MAD1L1: variants seen among roughly 807,000 people sequenced by gnomAD.
The protein encoded by MAD1L1 is mitotic spindle assembly checkpoint protein MAD1.
A neutral mutation model predicts 96.9 loss-of-function variants in MAD1L1; 95 were observed. The observed-to-expected ratio is 0.98, with a 90% CI of 0.83 to 1.16. The LOEUF is 1.16. Ranked by LOEUF, MAD1L1 falls within the 50% of genes most tolerant of loss-of-function variation. MAD1L1 has a pLI of 0.00. For synonymous variants in MAD1L1, 473 were observed against 396.6 expected (o/e 1.19, Z -2.29); for missense variants, 1,007 against 954.4 (o/e 1.06, Z -0.73).
At chr7:1,944,034 GA>G (rs951532351) in intron 16 of MAD1L1, among the ~76,000 whole-genome samples, 62 of 152,272 alleles carry the variant, frequency 4.1e-4, no homozygotes, top group African/African-American at 1.5e-3. Context: ...AGGGAAGTGA[GA>G]AAAGCCAATC....
At chr7:2,097,395 G>A (rs918292917) in intron 11 of MAD1L1, among the ~76,000 whole-genome samples, 1 of 152,154 alleles carries the variant, frequency 6.6e-6, no homozygotes, top group South Asian at 2.1e-4. Flanking sequence ...GCGAGGACGT[G>A]GGGGCCAGAG....
intron 18 of MAD1L1, among the ~76,000 whole-genome samples, chr7:1,882,008 ACAC>A (rs1414513045): frequency 1.3e-5 from 2 of 152,070 alleles, no homozygotes; most frequent in African/African-American, 4.8e-5. Flanking sequence ...GACCTCCCCC[ACAC>A]CCTCTCTAAG....
At chr7:1,905,133 C>T (rs576859914) in intron 17 of MAD1L1, among the ~76,000 whole-genome samples, 1 of 88,140 alleles carries the variant, frequency 1.1e-5, no homozygotes, top group East Asian at 3.7e-4. Context: ...GGAAGACGCT[C>T]TCGCGGAATT....
chr7:2,055,953 T>A (rs994228419), intron 12 of MAD1L1, among the ~76,000 whole-genome samples: 4 of 152,210 alleles, frequency 2.6e-5, no homozygotes, highest in Admixed American at 2.6e-4. Context: ...CACTCCAGCC[T>A]GAGTGACAGG....
intron 11 of MAD1L1, among the ~76,000 whole-genome samples, chr7:2,130,570 G>A (rs1468518737): frequency 2.0e-5 from 3 of 152,152 alleles, no homozygotes; most frequent in Admixed American, 6.5e-5. Context: ...CCAAAGGTGT[G>A]TCCTATCACT....
At chr7:2,028,465 A>G (rs1037852726) in intron 12 of MAD1L1, among the ~76,000 whole-genome samples, 1 of 151,884 alleles carries the variant, frequency 6.6e-6, no homozygotes, top group Non-Finnish European at 1.5e-5. Context: ...AACACATGTT[A>G]GCATATAGTA....
At chr7:2,060,340 A>G (rs935521023) in intron 12 of MAD1L1, among the ~76,000 whole-genome samples, 1 of 147,698 alleles carries the variant, frequency 6.8e-6, no homozygotes, top group East Asian at 2.0e-4. Context: ...CGCCAATGCC[A>G]AGATGTCGAG....
intron 18 of MAD1L1, among the ~76,000 whole-genome samples, chr7:1,863,718 C>T (rs1008171777): frequency 6.6e-6 from 1 of 152,206 alleles, no homozygotes; most frequent in African/African-American, 2.4e-5. Flanking sequence ...GGAGGGTGGC[C>T]GGCCTGCAGT....
At chr7:2,149,395 G>A (rs946647104) in intron 10 of MAD1L1, among the ~76,000 whole-genome samples, 157 bp from the exon 11 acceptor site, 1 of 152,254 alleles carries the variant, frequency 6.6e-6, no homozygotes, top group African/African-American at 2.4e-5. Flanking sequence ...CAGCATGCAC[G>A]CACTACAGCC....
chr7:2,106,657 G>T (rs1192763943), intron 11 of MAD1L1, among the ~76,000 whole-genome samples: 1 of 152,202 alleles, frequency 6.6e-6, no homozygotes, highest in African/African-American at 2.4e-5. Context: ...CACACTCTCG[G>T]CCCATCCCGC....
chr7:2,085,417 AGCC>A, intron 11 of MAD1L1, among the ~76,000 whole-genome samples: 1 of 152,232 alleles, frequency 6.6e-6, no homozygotes, highest in East Asian at 1.9e-4. Flanking sequence ...CCCTGCCTGC[AGCC>A]GCCATTGCCT....
At chr7:2,058,596 G>A (rs113512536) in intron 12 of MAD1L1, among the ~76,000 whole-genome samples, 1 of 92,910 alleles carries the variant, frequency 1.1e-5, no homozygotes, top group Non-Finnish European at 2.2e-5. Flanking sequence ...CAGAGGAGAG[G>A]AGAGGCGCGG....
intron 18 of MAD1L1, among the ~76,000 whole-genome samples, chr7:1,823,665 C>G (rs1462615784): frequency 1.3e-5 from 2 of 152,200 alleles, no homozygotes; most frequent in African/African-American, 4.8e-5. Context: ...GGAGAGTGGC[C>G]TGGGCACAGA....
chr7:1,873,904 G>A (rs1422091326), intron 18 of MAD1L1, among the ~76,000 whole-genome samples: 1 of 152,212 alleles, frequency 6.6e-6, no homozygotes, highest in Non-Finnish European at 1.5e-5. Context: ...AGCCCATCAA[G>A]TCGGCACCAG....
At chr7:2,155,290 G>A (rs1789775296) in intron 10 of MAD1L1, among the ~76,000 whole-genome samples, 1 of 152,150 alleles carries the variant, frequency 6.6e-6, no homozygotes, top group Non-Finnish European at 1.5e-5. Flanking sequence ...CCACCGTGTT[G>A]GGATGTTTTT....
At chr7:2,145,290 G>A (rs375556113) in intron 11 of MAD1L1, among the ~76,000 whole-genome samples, 11 of 152,354 alleles carry the variant, frequency 7.2e-5, no homozygotes, top group South Asian at 2.1e-4. Context: ...GAGCAAACCC[G>A]CATAAAGCTA....
Position 2,219,459 on chromosome 7 carries a change from A to G in MAD1L1, c.472-3T>C. The G allele has an allele frequency of 1.9e-6, 3 of 1,613,326 alleles. No individual in the cohort carries two copies. The highest frequency in any genetic ancestry group is 2.5e-6 in the Non-Finnish European group (3 of 1,179,658). ...CTCCCCTTCAGTGCGTTGATGGTCT[A>G]AAAGTAGAGGGGACCAGAGAGCCGC... On this transcript the variant is annotated splice_polypyrimidine_tract_variant and splice_region_variant and intron_variant, in intron 5 of 18. Transcript: ENST00000265854.
chr7:1,923,857 C>G (rs1331226468), intron 17 of MAD1L1, among the ~76,000 whole-genome samples: 1 of 152,222 alleles, frequency 6.6e-6, no homozygotes, highest in Non-Finnish European at 1.5e-5. Flanking sequence ...CTGAGCTAGA[C>G]CACACCAGGA....
chr7:1,855,565 T>C (rs1784206932), intron 18 of MAD1L1, among the ~76,000 whole-genome samples: 1 of 150,786 alleles, frequency 6.6e-6, no homozygotes, highest in African/African-American at 2.4e-5. Context: ...CCAGCCCAGC[T>C]CCACCCGAGG....
Sources: allele counts gnomAD v4.1 joint callset (sites outside exome capture counted in the v4.1 genomes callset), GRCh38; gene constraint gnomAD v4.1.1; transcripts MANE v1.5; gene names NCBI Gene and HGNC (gene_info 2026-07-23, HGNC 2026-07-21).